Variants in NRF1 observed in about 807,000 individuals in gnomAD.
NRF1 encodes the protein alpha palindromic-binding protein.
NRF1 carries 5 observed loss-of-function variants against 58.5 expected under a neutral mutation model. The observed-to-expected ratio is 0.09, with a 90% CI of 0.04 to 0.18. The LOEUF (loss-of-function observed/expected upper bound fraction) is 0.18. Among genes scored for constraint, NRF1 ranks in the 10% least tolerant of loss-of-function variants. NRF1 has a pLI of 1.00. For synonymous variants in NRF1, 224 were observed against 246.7 expected (o/e 0.91, Z 0.86); for missense variants, 288 against 657.7 (o/e 0.44, Z 6.15).
At chr7:129,672,634 A>G (rs770089776) in intron 3 of NRF1, among the ~76,000 whole-genome samples, 3 of 152,198 alleles carry the variant, frequency 2.0e-5, no homozygotes, top group Non-Finnish European at 4.4e-5. Flanking sequence ...TCAACTCATC[A>G]TGATTCATTG....
At chr7:129,701,110 A>G (rs1802814779) in intron 5 of NRF1, among the ~76,000 whole-genome samples, 1 of 152,182 alleles carries the variant, frequency 6.6e-6, no homozygotes, top group African/African-American at 2.4e-5. Flanking sequence ...TTATATGACA[A>G]TTAATATCCA....
At chr7:129,647,672 G>A (rs147114767) in intron 1 of NRF1, among the ~76,000 whole-genome samples, 104 of 152,314 alleles carry the variant, frequency 6.8e-4, no homozygotes, top group African/African-American at 2.2e-3. Flanking sequence ...GGGATTACAG[G>A]CGTGAGCCAC....
intron 9 of NRF1, among the ~76,000 whole-genome samples, chr7:129,719,367 G>A (rs1385959263): frequency 6.6e-6 from 1 of 152,044 alleles, no homozygotes; most frequent in Non-Finnish European, 1.5e-5. Context: ...CCTAACCTCA[G>A]GTGATCCACC....
At chr7:129,692,848 A>C (rs150448851) in intron 5 of NRF1, among the ~76,000 whole-genome samples, 2 of 152,116 alleles carry the variant, frequency 1.3e-5, no homozygotes, top group Non-Finnish European at 2.9e-5. Flanking sequence ...AGATGATTGC[A>C]TGATGGACTT....
intron 10 of NRF1, chr7:129,734,893 C>T: frequency 5.3e-6 from 1 of 189,528 alleles, no homozygotes; most frequent in Non-Finnish European, 9.8e-6. Flanking sequence ...TTCCTGCTGC[C>T]CTTCAGTTTA....
chr7:129,621,193 A>G (rs1226718688), intron 1 of NRF1, among the ~76,000 whole-genome samples: 1 of 152,188 alleles, frequency 6.6e-6, no homozygotes, highest in Non-Finnish European at 1.5e-5. Flanking sequence ...TTTGTCAGCT[A>G]GGCCCTAGTT....
At chr7:129,754,563 G>C (rs560617011) in intron 10 of NRF1, among the ~76,000 whole-genome samples, 1 of 151,838 alleles carries the variant, frequency 6.6e-6, no homozygotes, top group Non-Finnish European at 1.5e-5. Context: ...GGTTGGGGAG[G>C]GGGGCAGGAG....
At chr7:129,752,935 G>A (rs1804157271) in intron 10 of NRF1, among the ~76,000 whole-genome samples, 2 of 152,134 alleles carry the variant, frequency 1.3e-5, no homozygotes, top group Admixed American at 6.5e-5. Context: ...GTGTGGGGGC[G>A]ACTGGCCACG....
chr7:129,635,719 C>A (rs1019621966), intron 1 of NRF1, among the ~76,000 whole-genome samples: 6 of 152,166 alleles, frequency 3.9e-5, no homozygotes, highest in Non-Finnish European at 8.8e-5. Context: ...GCAAGGCCCA[C>A]GTCTCCAGTG....
intron 10 of NRF1, among the ~76,000 whole-genome samples, chr7:129,751,463 T>G (rs1290044015): frequency 6.6e-6 from 1 of 152,234 alleles, no homozygotes; most frequent in Non-Finnish European, 1.5e-5. Context: ...GGGGAAAATC[T>G]TCCGTGATAC....
intron 3 of NRF1, 76 bp downstream of exon 3, chr7:129,671,619 T>G (rs1802049492): frequency 1.5e-5 from 12 of 808,890 alleles, no homozygotes; most frequent in Non-Finnish European, 2.3e-5. Context: ...ACATATGTGA[T>G]TAGGTTTGTC....
chr7:129,619,396 GTATATATATATATATATA>G (rs749333673), intron 1 of NRF1, among the ~76,000 whole-genome samples: 3 of 47,366 alleles, frequency 6.3e-5, no homozygotes, highest in African/African-American at 1.1e-4. Flanking sequence ...TGGCATACGT[GTATATATATATATATATA>G]TATATATATA....
intron 3 of NRF1, among the ~76,000 whole-genome samples, chr7:129,672,698 A>C (rs1802077887): frequency 1.3e-5 from 2 of 152,164 alleles, no homozygotes; most frequent in Admixed American, 1.3e-4. Flanking sequence ...GATTACTAGA[A>C]GGATTGCGAT....
intron 1 of NRF1, among the ~76,000 whole-genome samples, chr7:129,646,948 A>G (rs1801419257): frequency 6.6e-6 from 1 of 152,188 alleles, no homozygotes; most frequent in African/African-American, 2.4e-5. Flanking sequence ...GATTACCCAC[A>G]ATCATTTATC....
chr7:129,713,391 G>A (rs1803121111), intron 8 of NRF1, among the ~76,000 whole-genome samples: 1 of 152,150 alleles, frequency 6.6e-6, no homozygotes, highest in Non-Finnish European at 1.5e-5. Context: ...TCTGTTAGAA[G>A]AGAAAGCCAA....
intron 5 of NRF1, among the ~76,000 whole-genome samples, chr7:129,692,257 A>G (rs4731616): frequency 0.043 from 6,478 of 152,298 alleles, 167 homozygotes; most frequent in Middle Eastern, 0.12. Context: ...TGTAGCCATC[A>G]TAGTAGTTTT....
chr7:129,677,007 A>ATTTTTTTTT (rs56059756), intron 3 of NRF1, among the ~76,000 whole-genome samples: 1 of 113,546 alleles, frequency 8.8e-6, no homozygotes, highest in South Asian at 2.9e-4. Flanking sequence ...TCTTGGTTGC[A>ATTTTTTTTT]TTTTTTTTTT....
intron 5 of NRF1, among the ~76,000 whole-genome samples, chr7:129,692,139 G>A (rs1419544945): frequency 2.0e-5 from 3 of 152,044 alleles, no homozygotes; most frequent in Non-Finnish European, 4.4e-5. Context: ...CCTCTGAAAT[G>A]TACCCTGACT....
chr7:129,703,344 T>G (rs73470496), intron 5 of NRF1, among the ~76,000 whole-genome samples: 3,355 of 152,246 alleles, frequency 0.022, 117 homozygotes, highest in African/African-American at 0.074. Context: ...TCCTGTTGAT[T>G]GTCTCCCTGT....
Sources: gnomAD v4.1 joint callset for allele counts (sites outside exome capture counted in the v4.1 genomes callset) on GRCh38, gnomAD v4.1.1 for gene constraint, MANE v1.5 for transcripts, NCBI Gene and HGNC (gene_info 2026-07-23, HGNC 2026-07-21) for gene names.